FOXN3: variants seen among roughly 807,000 people sequenced by gnomAD.
The protein encoded by FOXN3 is forkhead box N3.
A neutral mutation model predicts 38.4 loss-of-function variants in FOXN3; 7 were observed. That is an observed-to-expected ratio of 0.18 (90% CI 0.10 to 0.34). FOXN3 has a LOEUF of 0.34. Among genes scored for constraint, FOXN3 ranks in the 10% least tolerant of loss-of-function variants. The pLI is 1.00. For synonymous variants in FOXN3, 230 were observed against 242.2 expected, an observed-to-expected ratio of 0.95 and a Z score of 0.47; for missense variants, 456 against 613.4, an observed-to-expected ratio of 0.74 and a Z score of 2.71.
intron 4 of FOXN3, among the ~76,000 whole-genome samples, chr14:89,216,447 A>G (rs189265005): frequency 1.3e-5 from 2 of 151,964 alleles, no homozygotes; most frequent in African/African-American, 4.8e-5. Flanking sequence ...CTCTCCCACA[A>G]CCTAACCCGG....
intron 1 of FOXN3, among the ~76,000 whole-genome samples, chr14:89,588,126 G>A (rs367889636): frequency 1.6e-4 from 25 of 152,072 alleles, no homozygotes; most frequent in African/African-American, 6.0e-4. Flanking sequence ...GTGACTTCTC[G>A]CAAGACCTGG....
intron 2 of FOXN3, among the ~76,000 whole-genome samples, chr14:89,399,616 G>T (rs1891194249): frequency 1.3e-5 from 2 of 152,134 alleles, no homozygotes; most frequent in Admixed American, 6.5e-5. Context: ...AATAAATTCT[G>T]CCAGGAGATC....
intron 1 of FOXN3, among the ~76,000 whole-genome samples, chr14:89,436,182 C>T (rs1892272569): frequency 6.6e-6 from 1 of 150,900 alleles, no homozygotes; most frequent in African/African-American, 2.4e-5. Flanking sequence ...AAGAAAGTTA[C>T]CAATGCTGAC....
chr14:89,239,742 T>C (rs1197693129), intron 4 of FOXN3, among the ~76,000 whole-genome samples: 1 of 152,250 alleles, frequency 6.6e-6, no homozygotes, highest in Admixed American at 6.5e-5. Context: ...TCAATGATAC[T>C]AATATTAGAA....
At chr14:89,327,131 T>C (rs567608277) in intron 3 of FOXN3, among the ~76,000 whole-genome samples, 2 of 152,222 alleles carry the variant, frequency 1.3e-5, no homozygotes, top group South Asian at 4.2e-4. Context: ...CCAAGTATCA[T>C]CTAGGTGGTC....
intron 1 of FOXN3, among the ~76,000 whole-genome samples, chr14:89,580,380 G>C (rs1200547705): frequency 6.6e-6 from 1 of 152,184 alleles, no homozygotes; most frequent in Non-Finnish European, 1.5e-5. Context: ...CCTGTTCTGT[G>C]CTCGAAGGAA....
At chr14:89,489,030 T>G (rs1336099873) in intron 1 of FOXN3, among the ~76,000 whole-genome samples, 1 of 152,218 alleles carries the variant, frequency 6.6e-6, no homozygotes, top group African/African-American at 2.4e-5. Flanking sequence ...TATTTCCCGA[T>G]GTTGGTAGGT....
chr14:89,522,347 G>A (rs974535966), intron 1 of FOXN3, among the ~76,000 whole-genome samples: 2 of 152,172 alleles, frequency 1.3e-5, no homozygotes, highest in Non-Finnish European at 2.9e-5. Flanking sequence ...CAGCAGACCT[G>A]CACTATAAGA....
chr14:89,273,274 C>T (rs1408544546), intron 4 of FOXN3, among the ~76,000 whole-genome samples: 1 of 152,206 alleles, frequency 6.6e-6, no homozygotes, highest in Admixed American at 6.5e-5. Flanking sequence ...TGAACAGTTA[C>T]CCTGAAACAT....
chr14:89,318,316 G>A (rs1040318053), intron 3 of FOXN3, among the ~76,000 whole-genome samples: 3 of 151,854 alleles, frequency 2.0e-5, no homozygotes, highest in Admixed American at 6.6e-5. Flanking sequence ...CCACCACCAT[G>A]CCCAGCTAAT....
At chr14:89,534,515 G>A (rs1246875061) in intron 1 of FOXN3, among the ~76,000 whole-genome samples, 1 of 152,052 alleles carries the variant, frequency 6.6e-6, no homozygotes, top group African/African-American at 2.4e-5. Flanking sequence ...CTTAACCCAG[G>A]GCTCTGCTCC....
At position 89,475,824 on chromosome 14, in the gene FOXN3, C is replaced by T. The variant is rs150827654; in HGVS notation, c.-14-63334G>A. ...AATGAAGAATCATATAGTCTTCAAA[C>T]AGAACTTGGTACTACCCGATTCTTC... On this transcript the variant is annotated intron_variant, in intron 1 of 6. Coordinates refer to the FOXN3 transcript ENST00000345097. 5.1e-3 allele frequency among the ~76,000 whole-genome samples: 771 copies of T among 152,304 alleles called. 7 individuals carry two copies. Among genetic ancestry groups the T allele is most frequent in the African/African-American group, 0.018 (742 of 41,554 alleles).
intron 2 of FOXN3, among the ~76,000 whole-genome samples, chr14:89,396,705 G>A (rs969247891): frequency 6.6e-6 from 1 of 152,116 alleles, no homozygotes; most frequent in Non-Finnish European, 1.5e-5. Flanking sequence ...GGTGGCAGAT[G>A]CCTGTAATCC....
In FOXN3 at chr14:89,162,452, T is replaced by C; in HGVS notation, c.1369A>G (p.Lys457Glu). 6.3e-7 allele frequency: 1 copy of C among 1,591,152 alleles called. No individual in the cohort carries two copies. Among genetic ancestry groups the C allele is most frequent in the Non-Finnish European group, 8.6e-7 (1 of 1,169,188 alleles). Residue 457 changes from lysine to glutamate, a missense_variant, in exon 6 of 6, where the codon AAG (lysine) becomes GAG (glutamate). Physicochemically the swap from Lys to Glu is moderately conservative, Grantham distance 56. This residue lies in a region of FOXN3 where 386 missense variants were observed against 505.2 expected (regional missense o/e 0.76). Coordinates refer to ENST00000557258, the MANE Select transcript of FOXN3 (RefSeq NM_005197.4). The surrounding 1 kb of genome is among the most constrained non-coding windows in gnomAD (Gnocchi z 7.2). ...GTTTCCTTTTGCTCTTTCTGCCCCT[T>C]TGCCGTCCGATTGGTGATGTTATTC... Reference protein sequence around the residue: ...CLNNITNRTAKGQKEQKETTK... With the variant: ...CLNNITNRTAEGQKEQKETTK...
chr14:89,460,974 G>A lies in FOXN3; in HGVS notation c.-14-48484C>T, dbSNP rs369776524. ...ACCCAGGAGGAGGAGGTTGCAGTGA[G>A]CCGAGATCACGTCATTGCACTCCAG... On this transcript the variant is annotated intron_variant, in intron 1 of 6. Coordinates refer to the FOXN3 transcript ENST00000345097. Among the ~76,000 whole-genome samples the A allele has an allele frequency of 4.0e-4, 58 of 145,530 alleles. 2 individuals carry two copies. The highest frequency in any genetic ancestry group is 1.4e-3 in the African/African-American group (56 of 38,974).
At chr14:89,247,343 G>C (rs112645103) in intron 4 of FOXN3, among the ~76,000 whole-genome samples, 6 of 152,280 alleles carry the variant, frequency 3.9e-5, no homozygotes, top group African/African-American at 1.2e-4. Context: ...TGGGGACTAA[G>C]AAAATTTTGA....
chr14:89,389,596 A>C (rs1890880395), intron 2 of FOXN3, among the ~76,000 whole-genome samples: 2 of 152,226 alleles, frequency 1.3e-5, no homozygotes, highest in Admixed American at 6.5e-5. Context: ...AAACAATTCA[A>C]ATGATTGCAC....
chr14:89,386,743 T>C (rs1198194265), intron 2 of FOXN3, among the ~76,000 whole-genome samples: 1 of 152,232 alleles, frequency 6.6e-6, no homozygotes, highest in East Asian at 1.9e-4. Flanking sequence ...AAGTCCAAGG[T>C]CAAAGTGCCA....
intron 3 of FOXN3, among the ~76,000 whole-genome samples, chr14:89,338,724 G>GGGCAGGGAGGCATGGAGGAGGC (rs1332231534): frequency 6.6e-6 from 1 of 152,162 alleles, no homozygotes; most frequent in East Asian, 1.9e-4. Context: ...ACCTGGGGGT[G>GGGCAGGGAGGCATGGAGGAGGC]GGCAGGGAGG....
Sources: gnomAD v4.1 joint callset for allele counts (sites outside exome capture counted in the v4.1 genomes callset) on GRCh38, gnomAD v4.1.1 for gene constraint, gnomAD v4.1.1 regional missense constraint, Gnocchi (gnomAD v3.1) non-coding constraint, MANE v1.5 for transcripts, NCBI Gene and HGNC (gene_info 2026-07-23, HGNC 2026-07-21) for gene names.